Variants in ASXL2 observed in about 807,000 individuals in gnomAD.
The protein encoded by ASXL2 is putative Polycomb group protein ASXL2.
A neutral mutation model predicts 122.0 loss-of-function variants in ASXL2; 23 were observed. The ratio of observed to expected loss-of-function variants is 0.19; its 90% CI spans 0.14 to 0.27. The LOEUF (loss-of-function observed/expected upper bound fraction) is 0.27. Among genes scored for constraint, ASXL2 ranks in the 10% least tolerant of loss-of-function variants. The probability of loss-of-function intolerance (pLI) is 1.00; values close to 1 mark genes in which losing one functional copy is unlikely to be tolerated. For missense variants in ASXL2, 1,518 were observed against 1,713.8 expected (o/e 0.89, Z 2.02); for synonymous variants, 650 against 637.0 (o/e 1.02, Z -0.31).
chr2:25,756,299 T>C (rs2088132067), intron 9 of ASXL2, among the ~76,000 whole-genome samples, 185 bp from the exon 10 acceptor site: 1 of 151,906 alleles, frequency 6.6e-6, no homozygotes, highest in Non-Finnish European at 1.5e-5. Flanking sequence ...TCTAAAACAT[T>C]GCTTTCCTGT....
In ASXL2 at chr2:25,828,464, C is replaced by A. The variant is rs190668642; in HGVS notation, c.143+7074G>T. ...GAGGTTGCAGTGAGCCAAGATCACA[C>A]CATTGCACTCCCTCCCTGGGCAACA... On this transcript the variant is annotated intron_variant, in intron 3 of 12. Transcript: ENST00000435504. 1.8e-3 allele frequency among the ~76,000 whole-genome samples: 259 copies of A among 143,634 alleles called. 2 individuals carry two copies. Among genetic ancestry groups the A allele is most frequent in the African/African-American group, 6.4e-3 (251 of 38,928 alleles). The allele number at this position is 143,634 out of a possible 152,430, so 94.2% of individuals were successfully genotyped here. A position where few individuals can be genotyped will look rare whatever the true frequency, so the allele number is the denominator to read the frequency against.
At chr2:25,837,933 A>G (rs1335725380) in intron 2 of ASXL2, among the ~76,000 whole-genome samples, 1 of 145,506 alleles carries the variant, frequency 6.9e-6, no homozygotes, top group Non-Finnish European at 1.5e-5. Context: ...CCTGAGCAAC[A>G]TGGCAAAACC....
chr2:25,820,341 T>G (rs148586397), intron 3 of ASXL2, among the ~76,000 whole-genome samples: 2 of 152,202 alleles, frequency 1.3e-5, no homozygotes, highest in Admixed American at 1.3e-4. Context: ...AAGAATTCTT[T>G]GTACTACCTT....
intron 8 of ASXL2, among the ~76,000 whole-genome samples, chr2:25,765,384 G>C (rs1242470825): frequency 6.6e-6 from 1 of 152,046 alleles, no homozygotes; most frequent in African/African-American, 2.4e-5. Context: ...TACCCAGGAG[G>C]CTGAGGCAGG....
intron 1 of ASXL2, among the ~76,000 whole-genome samples, chr2:25,853,780 A>G (rs931647021): frequency 6.6e-6 from 1 of 151,748 alleles, no homozygotes; most frequent in African/African-American, 2.4e-5. Context: ...AGTAGCTAGG[A>G]CTACAAGTGT....
chr2:25,821,585 G>A (rs1465380066), intron 3 of ASXL2, among the ~76,000 whole-genome samples: 1 of 152,160 alleles, frequency 6.6e-6, no homozygotes, highest in Non-Finnish European at 1.5e-5. Flanking sequence ...CCAACATGGT[G>A]AACCACCGTT....
chr2:25,869,121 C>T (rs1300206900), intron 1 of ASXL2, among the ~76,000 whole-genome samples: 2 of 150,488 alleles, frequency 1.3e-5, no homozygotes, highest in African/African-American at 4.9e-5. Flanking sequence ...GCCGAGATCA[C>T]GCCATTGCAC....
intron 5 of ASXL2, among the ~76,000 whole-genome samples, chr2:25,785,957 G>T (rs1337983900): frequency 6.6e-6 from 1 of 152,088 alleles, no homozygotes; most frequent in African/African-American, 2.4e-5. Context: ...AAACATGCAG[G>T]CAAACCTTAG....
intron 3 of ASXL2, among the ~76,000 whole-genome samples, chr2:25,818,231 C>T (rs1182874582): frequency 1.3e-5 from 2 of 152,296 alleles, no homozygotes; most frequent in African/African-American, 4.8e-5. Context: ...CCATGCTGGG[C>T]CACGCAGTGG....
chr2:25,772,297 T>C (rs372797609), intron 5 of ASXL2, among the ~76,000 whole-genome samples: 21 of 152,234 alleles, frequency 1.4e-4, no homozygotes, highest in African/African-American at 4.8e-4. Context: ...TAAAAAAAAA[T>C]TATAATCACT....
At chr2:25,760,444 G>A (rs2088222315) in intron 8 of ASXL2, among the ~76,000 whole-genome samples, 1 of 152,156 alleles carries the variant, frequency 6.6e-6, no homozygotes, top group Non-Finnish European at 1.5e-5. Context: ...GCAAAATATT[G>A]TAATATGGTA....
intron 5 of ASXL2, among the ~76,000 whole-genome samples, chr2:25,787,024 A>G (rs769178701): frequency 3.3e-5 from 5 of 152,068 alleles, no homozygotes; most frequent in Non-Finnish European, 7.3e-5. Flanking sequence ...CATAAATTAC[A>G]TATTTGTATA....
chr2:25,856,380 T>TTTTTTTTTTG, intron 1 of ASXL2: 1 of 466,588 alleles, frequency 2.1e-6, no homozygotes. Flanking sequence ...TTTTTTTTTT[T>TTTTTTTTTTG]TTTTGACACC....
intron 4 of ASXL2, among the ~76,000 whole-genome samples, chr2:25,803,406 G>C (rs541063571): frequency 6.6e-6 from 1 of 152,324 alleles, no homozygotes; most frequent in African/African-American, 2.4e-5. Context: ...ATTATAACCA[G>C]ACAGTCAGAA....
intron 6 of ASXL2, among the ~76,000 whole-genome samples, chr2:25,769,761 G>C (rs898807419): frequency 3.9e-5 from 6 of 151,926 alleles, no homozygotes; most frequent in African/African-American, 1.4e-4. Flanking sequence ...TTTTAAGACT[G>C]TCATGTAGCA....
intron 3 of ASXL2, among the ~76,000 whole-genome samples, chr2:25,827,029 G>T (rs2089386854): frequency 6.8e-6 from 1 of 147,452 alleles, no homozygotes; most frequent in Admixed American, 6.7e-5. Context: ...GTAGAGATAG[G>T]GTCTCCCTAT....
intron 1 of ASXL2, among the ~76,000 whole-genome samples, chr2:25,873,061 A>C (rs943168871): frequency 5.9e-5 from 9 of 152,002 alleles, no homozygotes; most frequent in African/African-American, 2.2e-4. Flanking sequence ...CACTGTACCC[A>C]ATGTGTAGTC....
rs769798568 is a variant in ASXL2, at chr2:25,750,127, T to C, written c.1429A>G (p.Ile477Val). ...SALNTHELSSILPIKCPKDED... is the reference protein window; with the variant it reads ...SALNTHELSSVLPIKCPKDED... ...TCCTTTGGGCACTTGATGGGAAGAATGCTGCTAAGCTCATGTGTATTGAGA... is the reference window on the plus strand; with the variant it reads ...TCCTTTGGGCACTTGATGGGAAGAACGCTGCTAAGCTCATGTGTATTGAGA... The change falls in exon 12 of 13, where the codon ATT becomes GTT. Residue 477 changes from isoleucine (I) to valine (V), a missense_variant. Physicochemically the swap from Ile to Val is conservative, Grantham distance 29. Transcript: ENST00000435504. 5 of 1,614,018 alleles carry C rather than the reference T, an allele frequency of 3.1e-6. 1 individual carries two copies. The South Asian group carries it at 4.4e-5, about 14-fold the overall frequency.
At chr2:25,774,065 T>C (rs2088506028) in intron 5 of ASXL2, among the ~76,000 whole-genome samples, 1 of 151,852 alleles carries the variant, frequency 6.6e-6, no homozygotes, top group African/African-American at 2.4e-5. Context: ...ATAATTCATA[T>C]ACTATACATC....
Sources: allele counts gnomAD v4.1 joint callset (sites outside exome capture counted in the v4.1 genomes callset), GRCh38; gene constraint gnomAD v4.1.1; transcripts MANE v1.5; gene names NCBI Gene and HGNC (gene_info 2026-07-23, HGNC 2026-07-21).